Variants in POLN observed in about 807,000 individuals in gnomAD.
POLN encodes the protein DNA polymerase N.
In POLN, 108 loss-of-function variants were observed where a neutral mutation model predicts 113.5. The ratio of observed to expected loss-of-function variants is 0.95; its 90% confidence interval spans 0.81 to 1.12. The LOEUF is 1.12. Ranked by LOEUF, POLN falls within the 50% of genes most tolerant of loss-of-function variation. The probability of loss-of-function intolerance (pLI) is 0.00; values close to 1 mark genes in which losing one functional copy is unlikely to be tolerated. For missense variants in POLN, 1,097 were observed against 1,077.1 expected (o/e 1.02, Z -0.26); for synonymous variants, 386 against 391.5 (o/e 0.99, Z 0.17).
Position 2,239,007 on chromosome 4 carries a change from T to C in POLN, c.-13+2513A>G, listed in dbSNP as rs143565122. ...AGTTTCATAATCTCACTGGTCAAGC[T>C]AGAAATTTTAGCATCCAAATTTTCT... On this transcript the variant is annotated intron_variant, in intron 2 of 25. Transcript: ENST00000511885. 4.0e-4 allele frequency: 615 copies of C among 1,544,920 alleles called. 1 individual carries two copies. The highest frequency in any genetic ancestry group is 5.3e-4 in the Non-Finnish European group (605 of 1,151,802).
At chr4:2,096,971 C>A (rs1730811742) in intron 19 of POLN, among the ~76,000 whole-genome samples, 1 of 152,182 alleles carries the variant, frequency 6.6e-6, no homozygotes, top group South Asian at 2.1e-4. Context: ...TCCCGATATC[C>A]ACAGGTACTT....
rs752684150 is a variant in POLN, at chr4:2,236,456, C to T, written c.-13+5064G>A. On this transcript the variant is annotated intron_variant, in intron 2 of 25. Coordinates refer to ENST00000511885, the MANE Select transcript of POLN (RefSeq NM_181808.4). ...TCTCTCCCTCCAAAACTTGGTAAAG[C>T]CTGAAATGTAAAAATTAAAATTATA... 2.5e-6 allele frequency: 4 copies of T among 1,592,654 alleles called. No individual in the cohort carries two copies. In the East Asian group the frequency reaches 6.7e-5, roughly 27 times the overall value.
intron 19 of POLN, among the ~76,000 whole-genome samples, chr4:2,120,370 C>T (rs1301444415): frequency 1.3e-5 from 2 of 152,130 alleles, no homozygotes; most frequent in East Asian, 1.9e-4. Flanking sequence ...GTTGAGTCTT[C>T]CATACCCCGA....
At position 2,198,677 on chromosome 4, in the gene POLN, T is replaced by C; in HGVS notation, c.755A>G (p.Lys252Arg). The C allele has an allele frequency of 1.2e-6, 2 of 1,612,928 alleles. No individual in the cohort carries two copies. Among genetic ancestry groups the C allele is most frequent in the Non-Finnish European group, 1.7e-6 (2 of 1,179,588 alleles). ...SSVRGIVVLV[K>R]RQAEGGHGCP... ...GCCATGGCCACCCTCTGCTTGGCGT[T>C]TTACTAACACCACAATTCCTCTAAC... The change falls in exon 6 of 26, where the codon AAA becomes AGA. Residue 252 changes from lysine to arginine, a missense_variant. Transcript: ENST00000511885.
In POLN at chr4:2,086,074, G is replaced by T. The variant is rs34712754; in HGVS notation, c.2066-330C>A. Reference sequence around the variant, plus strand: ...GGTTAGAGTGGGGCACAGAGGAAAAGAGGAAGGGGAAGTTCCATGGTCAAA... The same window carrying T: ...GGTTAGAGTGGGGCACAGAGGAAAATAGGAAGGGGAAGTTCCATGGTCAAA... On this transcript the variant is annotated intron_variant, in intron 20 of 25. Transcript: ENST00000511885. Among the ~76,000 whole-genome samples, 1,438 of 152,320 alleles carry T rather than the reference G, an allele frequency of 9.4e-3. 23 individuals carry two copies. The highest frequency in any genetic ancestry group is 0.033 in the African/African-American group (1,374 of 41,560).
At chr4:2,161,425 G>A (rs907593097) in intron 13 of POLN, among the ~76,000 whole-genome samples, 4 of 152,374 alleles carry the variant, frequency 2.6e-5, no homozygotes, top group East Asian at 1.9e-4. Flanking sequence ...CAGCGGCTGC[G>A]GAGGGTGTAC....
chr4:2,177,175 C>T (rs1310681317), intron 8 of POLN: 4 of 334,288 alleles, frequency 1.2e-5, no homozygotes, highest in Admixed American at 3.8e-5. Flanking sequence ...CCTTCCACAC[C>T]CCAAAACTGA....
At chr4:2,115,224 A>ATTT (rs1383644469) in intron 19 of POLN, among the ~76,000 whole-genome samples, 1 of 93,308 alleles carries the variant, frequency 1.1e-5, no homozygotes, top group Non-Finnish European at 2.1e-5. Flanking sequence ...ATATATATAT[A>ATTT]TATATTTTTT....
At chr4:2,239,425 G>A (rs1006721264) in intron 2 of POLN, among the ~76,000 whole-genome samples, 3 of 152,258 alleles carry the variant, frequency 2.0e-5, no homozygotes, top group Admixed American at 6.5e-5. Flanking sequence ...GCACTTCTAC[G>A]TAATTATTGG....
At chr4:2,103,428 A>G (rs1013403698) in intron 19 of POLN, among the ~76,000 whole-genome samples, 5 of 152,188 alleles carry the variant, frequency 3.3e-5, no homozygotes, top group Non-Finnish European at 7.3e-5. Context: ...AAGAATAAAA[A>G]GAATGAACAA....
chr4:2,096,888 G>A (rs1377973166), intron 19 of POLN, among the ~76,000 whole-genome samples: 6 of 152,126 alleles, frequency 3.9e-5, no homozygotes, highest in Non-Finnish European at 8.8e-5. Context: ...CCAGCCCCAG[G>A]TGAAAGCTCA....
Position 2,127,677 on chromosome 4 carries a change from G to A in POLN, c.1982+436C>T, listed in dbSNP as rs1463642235. Among the ~76,000 whole-genome samples, 1 of 152,246 alleles carries A rather than the reference G, an allele frequency of 6.6e-6. No individual in the cohort carries two copies. Among genetic ancestry groups the A allele is most frequent in the Non-Finnish European group, 1.5e-5 (1 of 68,042 alleles). On this transcript the variant is annotated intron_variant, in intron 19 of 25. Transcript: ENST00000511885. The surrounding 1 kb of genome is among the most constrained non-coding windows in gnomAD (Gnocchi z 4.7). ...AGCCCATCTGCCTCTGGAATTCTCT[G>A]TGAGTGTAAGCCACTCAGGCAGGAT...
At chr4:2,106,291 G>C (rs986286546) in intron 19 of POLN, among the ~76,000 whole-genome samples, 2 of 152,166 alleles carry the variant, frequency 1.3e-5, no homozygotes, top group African/African-American at 4.8e-5. Flanking sequence ...GGTTTCCTGG[G>C]AACTGCAAAA....
At position 2,238,697 on chromosome 4, in the gene POLN, A is replaced by G. The variant is rs1277974509; in HGVS notation, c.-13+2823T>C. On this transcript the variant is annotated intron_variant, in intron 2 of 25. Transcript: ENST00000511885. ...TGTTAACATTTCTAATTGCTTGTAGAGCATCATGTTACTTTGACTAAGTTC... is the reference window on the plus strand; with the variant it reads ...TGTTAACATTTCTAATTGCTTGTAGGGCATCATGTTACTTTGACTAAGTTC... 1 of 1,613,108 alleles carries G rather than the reference A, an allele frequency of 6.2e-7. No homozygotes were observed.
chr4:2,100,222 T>C (rs915575743), intron 19 of POLN, among the ~76,000 whole-genome samples: 4 of 152,176 alleles, frequency 2.6e-5, no homozygotes, highest in Admixed American at 6.5e-5. Flanking sequence ...AGTGGGCTTA[T>C]GGAAATCTGG....
At chr4:2,183,440 T>C (rs1733191750) in intron 7 of POLN, among the ~76,000 whole-genome samples, 1 of 152,212 alleles carries the variant, frequency 6.6e-6, no homozygotes, top group Non-Finnish European at 1.5e-5. Context: ...ATGAATATTA[T>C]TCAGCCATAA....
At chr4:2,167,133 G>A (rs898492543) in intron 13 of POLN, among the ~76,000 whole-genome samples, 4 of 152,112 alleles carry the variant, frequency 2.6e-5, no homozygotes, top group East Asian at 1.9e-4. Flanking sequence ...TCCTGCTCAC[G>A]GCTGTATCCC....
intron 7 of POLN, among the ~76,000 whole-genome samples, chr4:2,189,440 C>T (rs1317838777): frequency 1.3e-5 from 2 of 150,908 alleles, no homozygotes; most frequent in Non-Finnish European, 3.0e-5. Flanking sequence ...GAGAACGAGA[C>T]CATCCTGGCT....
chr4:2,219,362 A>G (rs9918081), intron 3 of POLN, among the ~76,000 whole-genome samples: 40,045 of 152,122 alleles, frequency 0.26, 8,468 homozygotes, highest in African/African-American at 0.57. Flanking sequence ...AAGACAGGAA[A>G]AATAACTGCC....
Sources: allele counts gnomAD v4.1 joint callset (sites outside exome capture counted in the v4.1 genomes callset), GRCh38; gene constraint gnomAD v4.1.1; non-coding constraint Gnocchi (gnomAD v3.1); transcripts MANE v1.5; gene names NCBI Gene and HGNC (gene_info 2026-07-23, HGNC 2026-07-21).